Variants in PRKAR1B observed in about 807,000 individuals in gnomAD.
PRKAR1B encodes cAMP-dependent protein kinase type I-beta regulatory subunit.
In PRKAR1B, 22 loss-of-function variants were observed where a neutral mutation model predicts 46.5. That is an observed-to-expected ratio of 0.47 (90% confidence interval 0.34 to 0.68). The LOEUF (loss-of-function observed/expected upper bound fraction) is 0.68. Among genes scored for constraint, PRKAR1B ranks in the 30% least tolerant of loss-of-function variants. PRKAR1B has a pLI of 0.01. For synonymous variants in PRKAR1B, 259 were observed against 217.7 expected (o/e 1.19, Z -1.67); for missense variants, 445 against 535.6 (o/e 0.83, Z 1.67).
At chr7:701,269 A>AAGAAAGAAAGAAAGAAGG (rs1780048663) in intron 2 of PRKAR1B, among the ~76,000 whole-genome samples, 2 of 110,964 alleles carry the variant, frequency 1.8e-5, no homozygotes, top group Non-Finnish European at 3.8e-5. Flanking sequence ...AAGAAGGAAA[A>AAGAAAGAAAGAAAGAAGG]AAGAAAGAAA....
At chr7:681,819 G>A (rs1419615833) in intron 2 of PRKAR1B, among the ~76,000 whole-genome samples, 1 of 152,206 alleles carries the variant, frequency 6.6e-6, no homozygotes, top group East Asian at 1.9e-4. Context: ...AGCCAGCCTG[G>A]GCATTTCAAT....
intron 1 of PRKAR1B, among the ~76,000 whole-genome samples, chr7:725,419 C>T (rs1781226052): frequency 1.3e-5 from 2 of 152,174 alleles, no homozygotes; most frequent in South Asian, 4.1e-4. Context: ...GTCAAACTCG[C>T]GTTCTAGGCT....
At chr7:681,220 G>A (rs891393543) in intron 2 of PRKAR1B, among the ~76,000 whole-genome samples, 5 of 151,020 alleles carry the variant, frequency 3.3e-5, no homozygotes, top group South Asian at 4.2e-4. Flanking sequence ...GAGGCCCCCC[G>A]AGCCATGCAG....
At position 711,398 on chromosome 7, in the gene PRKAR1B, G is replaced by A; in HGVS notation, c.108C>T (p.Val36=). 6.2e-7 allele frequency: 1 copy of A among 1,614,254 alleles called. No individual in the cohort carries two copies. The highest frequency in any genetic ancestry group is 8.5e-7 in the Non-Finnish European group (1 of 1,180,032). The change falls in exon 2 of 11, where the codon GTC becomes GTT. Residue 36 remains valine (V), a synonymous_variant. Transcript: ENST00000537384. ...GTTCGGGCTTGGAGATGCAGAGGTG[G>A]ACGATACAGTCTTTGAGGACCTGCT... ...GIQQVLKDCI[V]HLCISKPERP...
chr7:632,114 G>A (rs893187350), intron 4 of PRKAR1B, among the ~76,000 whole-genome samples: 13 of 152,194 alleles, frequency 8.5e-5, no homozygotes, highest in African/African-American at 2.7e-4. Flanking sequence ...ACCCTCCTGC[G>A]CACACGCAAC....
At chr7:671,098 C>A (rs972599793) in intron 4 of PRKAR1B, among the ~76,000 whole-genome samples, 4 of 152,230 alleles carry the variant, frequency 2.6e-5, no homozygotes, top group Non-Finnish European at 5.9e-5. Context: ...CGTCCACCTC[C>A]TTCTTCCTCA....
chr7:626,733 G>C (rs1475293881), intron 4 of PRKAR1B, among the ~76,000 whole-genome samples: 1 of 148,308 alleles, frequency 6.7e-6, no homozygotes, highest in African/African-American at 2.5e-5. Flanking sequence ...TTTTTTTTTA[G>C]AGACAGGGTC....
chr7:645,607 G>T (rs956450270), intron 4 of PRKAR1B, among the ~76,000 whole-genome samples: 7 of 152,214 alleles, frequency 4.6e-5, no homozygotes, highest in African/African-American at 1.7e-4. Flanking sequence ...CAGTCCCACA[G>T]CCGTCACGGA....
At chr7:704,272 G>C (rs1400723264) in intron 2 of PRKAR1B, among the ~76,000 whole-genome samples, 2 of 152,092 alleles carry the variant, frequency 1.3e-5, no homozygotes, top group Non-Finnish European at 2.9e-5. Context: ...CTAACTCTTT[G>C]AAAAGATCAG....
intron 4 of PRKAR1B, among the ~76,000 whole-genome samples, chr7:670,227 T>C (rs1413030799): frequency 1.3e-5 from 2 of 152,160 alleles, no homozygotes; most frequent in East Asian, 3.9e-4. Flanking sequence ...AGGACAGATG[T>C]TGGAAATGAG....
rs555799226 is a variant in PRKAR1B at position 702,551 on chromosome 7, G to A, written c.177+8778C>T. Among the ~76,000 whole-genome samples the A allele has an allele frequency of 1.1e-4, 17 of 152,234 alleles. No homozygotes were observed. The South Asian group carries it at 2.9e-3, about 26-fold the overall frequency. On this transcript the variant is annotated intron_variant, in intron 2 of 10. Coordinates refer to ENST00000537384, the MANE Select transcript of PRKAR1B (RefSeq NM_001164760.2). ...TATTAAGATGCATCATAGGCTGGGC[G>A]TGGGGCTCACACCTGTAATCTCAGC...
intron 9 of PRKAR1B, among the ~76,000 whole-genome samples, chr7:555,818 GGCC>G (rs1302833072): frequency 6.6e-6 from 1 of 152,230 alleles, no homozygotes; most frequent in Non-Finnish European, 1.5e-5. Flanking sequence ...CCGTGGTGGT[GGCC>G]AGCACACCTG....
intron 4 of PRKAR1B, among the ~76,000 whole-genome samples, chr7:610,253 G>C (rs1782398192): frequency 6.6e-6 from 1 of 152,214 alleles, no homozygotes; most frequent in South Asian, 2.1e-4. Flanking sequence ...CCTAAGCAAA[G>C]GCAGGGGTGG....
intron 9 of PRKAR1B, among the ~76,000 whole-genome samples, chr7:573,352 ACT>A (rs1405414624): frequency 6.7e-6 from 1 of 149,628 alleles, no homozygotes; most frequent in Non-Finnish European, 1.5e-5. Context: ...ACCCCCACAC[ACT>A]CTGTCAGTGG....
chr7:653,878 CACCTTCATCACCATCACT>C (rs1785043649), intron 4 of PRKAR1B, among the ~76,000 whole-genome samples: 1 of 151,934 alleles, frequency 6.6e-6, no homozygotes. Context: ...TCACCATCAT[CACCTTCATCACCATCACT>C]ACCATCATCA....
chr7:601,663 G>C (rs1781605091), intron 6 of PRKAR1B, among the ~76,000 whole-genome samples: 1 of 152,222 alleles, frequency 6.6e-6, no homozygotes, highest in Non-Finnish European at 1.5e-5. Context: ...CCCTGCCCTG[G>C]CTGGAAAATC....
rs539963848 is a variant in PRKAR1B, at chr7:701,105, C to T, written c.177+10224G>A. Among the ~76,000 whole-genome samples the T allele has an allele frequency of 2.0e-5, 3 of 151,670 alleles. No homozygotes were observed. In the South Asian group the frequency reaches 6.3e-4, roughly 32 times the overall value. On this transcript the variant is annotated intron_variant, in intron 2 of 10. Transcript: ENST00000537384. ...CGGGAGGCTGAGGCAGGAGAATCTC[C>T]TGAACCCAGGAGGCAGAGGTTACAG...
chr7:562,246 G>A (rs967634890), intron 9 of PRKAR1B, among the ~76,000 whole-genome samples: 4 of 151,952 alleles, frequency 2.6e-5, no homozygotes, highest in Admixed American at 1.3e-4. Context: ...CTGCCTGCCA[G>A]GCGGGGAGGT....
chr7:584,444 C>A, intron 8 of PRKAR1B, 64 bp downstream of exon 8: 1 of 1,441,788 alleles, frequency 6.9e-7, no homozygotes. Flanking sequence ...GGGGAAGAGG[C>A]CGGGGTGGCC....
Sources: gnomAD v4.1 joint callset for allele counts (sites outside exome capture counted in the v4.1 genomes callset) on GRCh38, gnomAD v4.1.1 for gene constraint, MANE v1.5 for transcripts, NCBI Gene and HGNC (gene_info 2026-07-23, HGNC 2026-07-21) for gene names.